Variants in EPHA6 observed in about 807,000 individuals in gnomAD.
EPHA6 encodes the protein EPH receptor A6, also known as ephrin type-A receptor 6.
Under a neutral mutation model 112.0 loss-of-function variants are expected in EPHA6, and 50 were observed. The observed-to-expected ratio is 0.45, with a 90% CI of 0.36 to 0.56. The LOEUF is 0.56. EPHA6 is among the 20% of genes least tolerant of loss of function. EPHA6 has a pLI of 0.00. For missense variants in EPHA6, 1,280 were observed against 1,417.4 expected (o/e 0.90, Z 1.56); for synonymous variants, 529 against 490.7 (o/e 1.08, Z -1.03).
intron 3 of EPHA6, among the ~76,000 whole-genome samples, chr3:97,120,122 A>G (rs1208725708): frequency 6.6e-6 from 1 of 151,990 alleles, no homozygotes; most frequent in Admixed American, 6.6e-5. Flanking sequence ...GGTTCCTTCT[A>G]GGTCAATGTA....
intron 2 of EPHA6, among the ~76,000 whole-genome samples, chr3:96,925,834 G>T (rs1302454300): frequency 6.6e-6 from 1 of 151,980 alleles, no homozygotes; most frequent in South Asian, 2.1e-4. Context: ...TCAAACTTCC[G>T]ACCTCAGGTG....
Position 97,054,547 on chromosome 3 carries a change from A to T in EPHA6, c.1114+66554A>T, listed in dbSNP as rs578040755. Among the ~76,000 whole-genome samples the T allele has an allele frequency of 2.0e-5, 3 of 152,198 alleles. No individual in the cohort carries two copies. In the South Asian group the frequency reaches 6.2e-4, roughly 32 times the overall value. The stretch of plus-strand genomic sequence containing the variant: ...TAAAATATGACAAAAAAATCACTAA[A>T]CTGTGTAACTGCTTAAATAAGGAGA... On this transcript the variant is annotated intron_variant, in intron 3 of 17. Coordinates refer to ENST00000389672, the MANE Select transcript of EPHA6 (RefSeq NM_001080448.3).
At chr3:97,481,578 G>A (rs866877918) in intron 9 of EPHA6, 1 of 586,172 alleles carries the variant, frequency 1.7e-6, no homozygotes. Flanking sequence ...GGCGCTGGGG[G>A]ACTGTTGGGT....
intron 1 of EPHA6, among the ~76,000 whole-genome samples, chr3:96,864,745 TA>T (rs1001655871): frequency 3.3e-5 from 5 of 151,866 alleles, no homozygotes; most frequent in African/African-American, 9.7e-5. Flanking sequence ...CTTATAGATT[TA>T]AAAAAAACAC....
At chr3:97,305,959 C>A (rs960688091) in intron 5 of EPHA6, among the ~76,000 whole-genome samples, 1 of 151,408 alleles carries the variant, frequency 6.6e-6, no homozygotes, top group Non-Finnish European at 1.5e-5. Flanking sequence ...TGTACATAAG[C>A]CAACACAAGC....
intron 2 of EPHA6, among the ~76,000 whole-genome samples, chr3:96,938,977 G>T (rs1323203586): frequency 6.6e-6 from 1 of 152,124 alleles, no homozygotes; most frequent in Non-Finnish European, 1.5e-5. Context: ...TGGTGGATAA[G>T]CTTTTTGATG....
intron 3 of EPHA6, among the ~76,000 whole-genome samples, chr3:97,006,699 G>A (rs557314268): frequency 1.4e-4 from 22 of 151,992 alleles, no homozygotes; most frequent in Non-Finnish European, 2.1e-4. Flanking sequence ...TTTGATTTTA[G>A]GGTGTTGATT....
At chr3:97,111,221 T>C (rs2047713934) in intron 3 of EPHA6, among the ~76,000 whole-genome samples, 1 of 152,160 alleles carries the variant, frequency 6.6e-6, no homozygotes, top group Non-Finnish European at 1.5e-5. Flanking sequence ...AAATGTGGAA[T>C]TTTCTTATAA....
chr3:97,633,261 GT>G (rs1277075835), intron 13 of EPHA6, among the ~76,000 whole-genome samples: 1 of 151,782 alleles, frequency 6.6e-6, no homozygotes, highest in East Asian at 1.9e-4. Flanking sequence ...TAAAATCCAT[GT>G]TTCTTAGCAG....
chr3:97,489,779 C>A (rs2091792396), intron 10 of EPHA6, among the ~76,000 whole-genome samples: 1 of 151,226 alleles, frequency 6.6e-6, no homozygotes, highest in Admixed American at 6.6e-5. Flanking sequence ...AAAAACTCAA[C>A]AAGTCTTAAG....
chr3:97,199,245 T>C (rs16838462), intron 3 of EPHA6, among the ~76,000 whole-genome samples: 2,087 of 152,224 alleles, frequency 0.014, 45 homozygotes, highest in African/African-American at 0.045. Flanking sequence ...TGCGATTTTG[T>C]AAAATAGGGT....
intron 6 of EPHA6, among the ~76,000 whole-genome samples, chr3:97,424,082 C>G (rs556204331): frequency 1.3e-5 from 2 of 152,256 alleles, no homozygotes; most frequent in South Asian, 4.1e-4. Context: ...CTGGTGAGGC[C>G]TCACAATCAT....
At chr3:97,479,635 T>C (rs1201758831) in intron 9 of EPHA6, among the ~76,000 whole-genome samples, 2 of 152,194 alleles carry the variant, frequency 1.3e-5, no homozygotes, top group East Asian at 1.9e-4. Flanking sequence ...TTTTATCAAG[T>C]TATTTACCAC....
chr3:97,577,961 G>T (rs1309113587), intron 11 of EPHA6, among the ~76,000 whole-genome samples: 2 of 152,082 alleles, frequency 1.3e-5, no homozygotes, highest in Non-Finnish European at 2.9e-5. Flanking sequence ...TGGCATCTGG[G>T]TTGGTGGATA....
At chr3:96,898,436 C>T (rs569555372) in intron 2 of EPHA6, among the ~76,000 whole-genome samples, 3 of 152,208 alleles carry the variant, frequency 2.0e-5, no homozygotes, top group Admixed American at 6.5e-5. Flanking sequence ...CTTCCTGCCC[C>T]GATTTCCTTA....
chr3:97,557,661 C>T (rs2093130704), intron 11 of EPHA6, among the ~76,000 whole-genome samples: 1 of 151,728 alleles, frequency 6.6e-6, no homozygotes, highest in Non-Finnish European at 1.5e-5. Flanking sequence ...TTTCTTTGAA[C>T]ATTACTCCTC....
intron 2 of EPHA6, among the ~76,000 whole-genome samples, chr3:96,926,102 A>C (rs2040021567): frequency 6.6e-6 from 1 of 152,170 alleles, no homozygotes; most frequent in African/African-American, 2.4e-5. Context: ...ATTGACTCAC[A>C]GTTCCACATG....
chr3:97,605,689 C>A (rs2093675689), intron 12 of EPHA6, among the ~76,000 whole-genome samples: 4 of 151,636 alleles, frequency 2.6e-5, no homozygotes, highest in Admixed American at 6.6e-5. Flanking sequence ...TGATATACCT[C>A]CAGCTTTGTT....
intron 3 of EPHA6, among the ~76,000 whole-genome samples, chr3:97,124,812 T>G (rs2048139315): frequency 1.3e-5 from 2 of 152,164 alleles, no homozygotes; most frequent in South Asian, 4.1e-4. Flanking sequence ...TACTAAGGCC[T>G]AGTAACACCC....
Sources: allele counts gnomAD v4.1 joint callset (sites outside exome capture counted in the v4.1 genomes callset), GRCh38; gene constraint gnomAD v4.1.1; transcripts MANE v1.5; gene names NCBI Gene and HGNC (gene_info 2026-07-23, HGNC 2026-07-21).